The following FREM2 variants were observed in gnomAD, a reference collection of about 807,000 sequenced individuals.
FREM2 encodes FRAS1 related extracellular matrix 2.
FREM2 carries 119 observed loss-of-function variants against 219.9 expected under a neutral mutation model. That is an observed-to-expected ratio of 0.54 (90% CI 0.47 to 0.63). The LOEUF is 0.63. Among genes scored for constraint, FREM2 ranks in the 30% least tolerant of loss-of-function variants. FREM2 has a pLI of 0.00. For missense variants in FREM2, 4,030 were observed against 3,993.6 expected (o/e 1.01, Z -0.25); for synonymous variants, 1,562 against 1,522.8 (o/e 1.03, Z -0.60).
At chr13:38,783,620 T>C (rs1035539205) in intron 5 of FREM2, among the ~76,000 whole-genome samples, 3 of 152,108 alleles carry the variant, frequency 2.0e-5, no homozygotes, top group African/African-American at 7.2e-5. Flanking sequence ...TGATTTTATA[T>C]AATAAAAAAT....
At chr13:38,776,691 T>C (rs1270068924) in intron 4 of FREM2, among the ~76,000 whole-genome samples, 1 of 152,072 alleles carries the variant, frequency 6.6e-6, no homozygotes, top group African/African-American at 2.4e-5. Context: ...GAATACAAGA[T>C]GTTAATAATG....
intron 6 of FREM2, among the ~76,000 whole-genome samples, chr13:38,786,986 G>A (rs915271926): frequency 2.4e-4 from 37 of 152,252 alleles, no homozygotes; most frequent in Middle Eastern, 3.4e-3. Flanking sequence ...TGGTAATGAG[G>A]TTGAGGAACC....
intron 6 of FREM2, among the ~76,000 whole-genome samples, chr13:38,798,096 C>G (rs1214188037): frequency 6.6e-6 from 1 of 151,890 alleles, no homozygotes; most frequent in Non-Finnish European, 1.5e-5. Context: ...TTGAACATGA[C>G]GTTAGCTGTG....
chr13:38,688,018 G>A lies in FREM2; in HGVS notation c.674G>A (p.Gly225Asp), dbSNP rs1249559959. 1 of 1,611,678 alleles carries A rather than the reference G, an allele frequency of 6.2e-7. No homozygotes were observed. The highest frequency in any genetic ancestry group is 1.3e-5 in the African/African-American group (1 of 75,048). The change falls in exon 1 of 24, where the codon GGC becomes GAC. Residue 225 changes from glycine to aspartate, a missense_variant. Gly to Asp is a moderately conservative substitution (Grantham distance 94). Around this residue, in one of 2 missense-constraint regions of FREM2, gnomAD observed 3,102 missense variants for 2,950.7 expected, o/e 1.05. Transcript: ENST00000280481. Reference sequence around the variant, plus strand: ...CGCGTGGGCATCCTGTCCGGCTTGGGCGCGCTGCCTCGCTATGGAGAACTC... The same window carrying A: ...CGCGTGGGCATCCTGTCCGGCTTGGACGCGCTGCCTCGCTATGGAGAACTC... Reference protein sequence around the residue: ...ECRVGILSGLGALPRYGELLH... With the variant: ...ECRVGILSGLDALPRYGELLH...
chr13:38,880,230 A>G (rs558000963), intron 23 of FREM2, 54 bp from the exon 24 acceptor site: 1 of 1,559,040 alleles, frequency 6.4e-7, no homozygotes, highest in Non-Finnish European at 8.8e-7. Context: ...AGAGTCGTGG[A>G]TTAGATTGAC....
intron 6 of FREM2, among the ~76,000 whole-genome samples, chr13:38,829,180 A>T (rs2137886440): frequency 6.6e-6 from 1 of 152,260 alleles, no homozygotes; most frequent in Non-Finnish European, 1.5e-5. Context: ...CTAGAAAGTG[A>T]TTCAGTAAGG....
At chr13:38,719,427 G>C (rs1377966771) in intron 2 of FREM2, among the ~76,000 whole-genome samples, 2 of 152,098 alleles carry the variant, frequency 1.3e-5, no homozygotes, top group African/African-American at 4.8e-5. Context: ...CGCCATGTTG[G>C]CCAGGCTGGT....
At chr13:38,842,839 T>C (rs931588463) in intron 6 of FREM2, among the ~76,000 whole-genome samples, 1 of 152,212 alleles carries the variant, frequency 6.6e-6, no homozygotes, top group Non-Finnish European at 1.5e-5. Context: ...TGCTCACCTG[T>C]CCACCTCTTC....
Position 38,787,215 on chromosome 13 carries a change from G to A in FREM2, c.6019+2407G>A, listed in dbSNP as rs372554295. ...TGAGTACCATGCAGACATTAGACCA[G>A]CAGTTTGTCAGGAATGCTCTTGGTG... On this transcript the variant is annotated intron_variant, in intron 6 of 23. Coordinates refer to ENST00000280481, the MANE Select transcript of FREM2 (RefSeq NM_207361.6). Among the ~76,000 whole-genome samples, 8 of 152,250 alleles carry A rather than the reference G, an allele frequency of 5.3e-5. No homozygotes were observed. The South Asian group carries it at 1.7e-3, about 32-fold the overall frequency.
At chr13:38,723,712 C>T (rs1300499131) in intron 2 of FREM2, among the ~76,000 whole-genome samples, 1 of 152,178 alleles carries the variant, frequency 6.6e-6, no homozygotes, top group Non-Finnish European at 1.5e-5. Flanking sequence ...AAATTTACTT[C>T]ATGACTATAC....
intron 6 of FREM2, among the ~76,000 whole-genome samples, chr13:38,787,440 C>A (rs1874374381): frequency 6.6e-6 from 1 of 152,046 alleles, no homozygotes; most frequent in Admixed American, 6.6e-5. Flanking sequence ...CTCTTCCTAC[C>A]CACACCTTGG....
At chr13:38,815,933 C>T (rs1402073218) in intron 6 of FREM2, among the ~76,000 whole-genome samples, 2 of 152,148 alleles carry the variant, frequency 1.3e-5, no homozygotes, top group Non-Finnish European at 2.9e-5. Context: ...AACCAAATTT[C>T]AACATGAGAT....
At chr13:38,874,363 T>C in intron 17 of FREM2, 119 bp from the exon 18 acceptor site, 3 of 779,872 alleles carry the variant, frequency 3.8e-6, no homozygotes, top group Non-Finnish European at 6.8e-6. Flanking sequence ...CTTCTGATAA[T>C]ACCCTTTGCC....
rs543239149 is a variant in FREM2, at chr13:38,795,975, T to TTTTC, written c.6019+11187_6019+11190dup. On this transcript the variant is annotated intron_variant, in intron 6 of 23. Transcript: ENST00000280481. ...ATTCCCTTGTGTGTATACACGATAG[T>TTTTC]TTTCTTTCTTTCTTTCTTTCTTTTT... is the stretch of plus-strand genomic sequence containing the variant. Among the ~76,000 whole-genome samples, 720 of 152,172 alleles carry TTTTC rather than the reference T, an allele frequency of 4.7e-3. 3 individuals carry two copies. Among genetic ancestry groups the TTTTC allele is most frequent in the Middle Eastern group, 0.01 (3 of 294 alleles).
intron 6 of FREM2, among the ~76,000 whole-genome samples, chr13:38,834,201 A>T (rs111802403): frequency 0.1 from 14,905 of 149,322 alleles, 1,564 homozygotes; most frequent in African/African-American, 0.26. Context: ...CCAGTGTGTG[A>T]TGTTCCCCTC....
At chr13:38,793,623 T>A (rs1473367098) in intron 6 of FREM2, among the ~76,000 whole-genome samples, 6 of 152,216 alleles carry the variant, frequency 3.9e-5, no homozygotes, top group African/African-American at 1.4e-4. Context: ...TAAAAGGTTT[T>A]AGGTAAAATG....
At chr13:38,786,044 A>G (rs1164461244) in intron 6 of FREM2, among the ~76,000 whole-genome samples, 15 of 152,334 alleles carry the variant, frequency 9.8e-5, no homozygotes, top group South Asian at 2.1e-4. Flanking sequence ...TCAAACATGT[A>G]TCATTTCTTT....
chr13:38,805,042 A>G (rs1461670022), intron 6 of FREM2, among the ~76,000 whole-genome samples: 1 of 152,154 alleles, frequency 6.6e-6, no homozygotes, highest in African/African-American at 2.4e-5. Context: ...TTGAGTAACA[A>G]ATAATATGAT....
At chr13:38,816,873 C>T (rs1038303937) in intron 6 of FREM2, among the ~76,000 whole-genome samples, 3 of 152,106 alleles carry the variant, frequency 2.0e-5, no homozygotes, top group Non-Finnish European at 4.4e-5. Context: ...TCAGTAAAGT[C>T]GCAGTATACA....
Sources: gnomAD v4.1 joint callset for allele counts (sites outside exome capture counted in the v4.1 genomes callset) on GRCh38, gnomAD v4.1.1 for gene constraint, gnomAD v4.1.1 regional missense constraint, MANE v1.5 for transcripts, NCBI Gene and HGNC (gene_info 2026-07-23, HGNC 2026-07-21) for gene names.